The following WWOX variants were observed in gnomAD, a reference collection of about 807,000 sequenced individuals.
WWOX encodes the protein WW domain containing oxidoreductase, also known as WW domain-containing oxidoreductase.
WWOX carries 69 observed loss-of-function variants against 46.2 expected under a neutral mutation model. The ratio of observed to expected loss-of-function variants is 1.49; its 90% CI spans 1.23 to 1.82. The LOEUF is 1.82. WWOX is among the 40% of genes most tolerant of loss of function. The probability of loss-of-function intolerance (pLI) is 0.00; values close to 1 mark genes in which losing one functional copy is unlikely to be tolerated. For missense variants in WWOX, 919 were observed against 542.6 expected, an observed-to-expected ratio of 1.69 and a Z score of -6.89; for synonymous variants, 359 against 202.6, an observed-to-expected ratio of 1.77 and a Z score of -6.56.
chr16:78,864,465 C>G (rs865806003), intron 8 of WWOX, among the ~76,000 whole-genome samples: 2 of 151,968 alleles, frequency 1.3e-5, no homozygotes, highest in African/African-American at 4.8e-5. Flanking sequence ...GGCAAGGTTT[C>G]TCCATGTTGC....
chr16:78,285,595 G>T lies in WWOX; in HGVS notation c.517-101265G>T, dbSNP rs140775451. On this transcript the variant is annotated intron_variant, in intron 5 of 8. Transcript: ENST00000566780. ...GTGCATGATGGCTGAACATTGCTGG[G>T]GGAAGATTTTGCAATTATGCATTGT... 2.3e-3 allele frequency among the ~76,000 whole-genome samples: 350 copies of T among 152,308 alleles called. 2 individuals are homozygous for T. The highest frequency in any genetic ancestry group is 6.8e-3 in the Middle Eastern group (2 of 294).
In WWOX at chr16:78,659,818, C is replaced by A. The variant is rs74658641; in HGVS notation, c.1056+227066C>A. Among the ~76,000 whole-genome samples, 772 of 152,274 alleles carry A rather than the reference C, an allele frequency of 5.1e-3. 5 individuals are homozygous for A. The highest frequency in any genetic ancestry group is 0.018 in the African/African-American group (744 of 41,546). On this transcript the variant is annotated intron_variant, in intron 8 of 8. Transcript: ENST00000566780. ...GCATTTTCTTTTTTTACAAGTCACT[C>A]TTACTTAAACACACAGCATGACTCT...
intron 8 of WWOX, among the ~76,000 whole-genome samples, chr16:78,700,534 G>A (rs2048191959): frequency 6.6e-6 from 1 of 152,162 alleles, no homozygotes. Flanking sequence ...GTGCACAGAG[G>A]TGTGCCCCAA....
chr16:78,723,943 C>A (rs912992812), intron 8 of WWOX, among the ~76,000 whole-genome samples: 1 of 152,194 alleles, frequency 6.6e-6, no homozygotes, highest in Non-Finnish European at 1.5e-5. Context: ...TTCACCTGCA[C>A]AGTGGTTTCA....
rs149542280 is a variant in WWOX, at chr16:78,417,905, G to T, written c.606-6965G>T. On this transcript the variant is annotated intron_variant, in intron 6 of 8. Transcript: ENST00000566780. The stretch of plus-strand genomic sequence containing the variant: ...ATGACTTTTCAGGTTTTAGGTAGGG[G>T]ATGGGTGGGAAAACAGATGAGGCAA... 2.8e-4 allele frequency among the ~76,000 whole-genome samples: 42 copies of T among 152,318 alleles called. No homozygotes were observed. The East Asian group carries it at 7.9e-3, about 29-fold the overall frequency.
chr16:78,489,288 C>T (rs1035314226), intron 8 of WWOX, among the ~76,000 whole-genome samples: 6 of 152,182 alleles, frequency 3.9e-5, no homozygotes, highest in African/African-American at 9.7e-5. Flanking sequence ...CAGATGTTCT[C>T]TCCAGACCCC....
chr16:78,506,327 A>G (rs1321109941), intron 8 of WWOX, among the ~76,000 whole-genome samples: 1 of 152,176 alleles, frequency 6.6e-6, no homozygotes, highest in Non-Finnish European at 1.5e-5. Context: ...CTGGTCAGTG[A>G]CTTAGCCACT....
intron 8 of WWOX, among the ~76,000 whole-genome samples, chr16:78,634,610 G>C (rs528621033): frequency 6.6e-6 from 1 of 151,942 alleles, no homozygotes; most frequent in East Asian, 1.9e-4. Flanking sequence ...GGAAGTTGAG[G>C]CAGGAGAATC....
Position 78,241,777 on chromosome 16 carries a change from T to C in WWOX, c.516+77488T>C, listed in dbSNP as rs543451302. ...GTTGCTATTGATGATTATTATGACA[T>C]CATTGCTCAGATTCACTTGGCTCAG... On this transcript the variant is annotated intron_variant, in intron 5 of 8. Coordinates refer to ENST00000566780, the MANE Select transcript of WWOX (RefSeq NM_016373.4). Among the ~76,000 whole-genome samples, 280 of 152,228 alleles carry C rather than the reference T, an allele frequency of 1.8e-3. 2 individuals carry two copies. The highest frequency in any genetic ancestry group is 3.0e-3 in the Non-Finnish European group (202 of 68,024).
intron 8 of WWOX, among the ~76,000 whole-genome samples, chr16:78,452,944 C>T (rs1385901206): frequency 6.7e-6 from 1 of 148,850 alleles, no homozygotes; most frequent in East Asian, 2.0e-4. Flanking sequence ...AAGATTATGG[C>T]TCACTGCAGC....
chr16:79,153,082 A>G (rs904548770), intron 8 of WWOX, among the ~76,000 whole-genome samples: 1 of 152,180 alleles, frequency 6.6e-6, no homozygotes, highest in East Asian at 1.9e-4. Context: ...AGCACAGGGC[A>G]GGAAAATCCA....
chr16:78,460,749 G>A (rs2083929145), intron 8 of WWOX, among the ~76,000 whole-genome samples: 1 of 152,186 alleles, frequency 6.6e-6, no homozygotes, highest in Non-Finnish European at 1.5e-5. Flanking sequence ...TAGCAAGGAT[G>A]GGATCCACAA....
intron 8 of WWOX, among the ~76,000 whole-genome samples, chr16:79,043,926 T>C (rs2048019431): frequency 6.6e-6 from 1 of 152,232 alleles, no homozygotes; most frequent in Non-Finnish European, 1.5e-5. Context: ...TCATTCACTC[T>C]GCTCGGACCT....
intron 8 of WWOX, among the ~76,000 whole-genome samples, chr16:78,797,653 T>C (rs145879631): frequency 1.3e-5 from 2 of 152,140 alleles, no homozygotes; most frequent in Non-Finnish European, 2.9e-5. Context: ...CAAGGAACTA[T>C]GATAAGTAGC....
chr16:78,750,334 C>T (rs946252157), intron 8 of WWOX, among the ~76,000 whole-genome samples: 1 of 152,156 alleles, frequency 6.6e-6, no homozygotes, highest in Non-Finnish European at 1.5e-5. Context: ...CTCCTGTGGT[C>T]TGTAAGAATG....
intron 8 of WWOX, among the ~76,000 whole-genome samples, chr16:78,621,592 CTTTTTTTTTTTTTTTTTTTTTTTTT>C (rs34182797): frequency 6.3e-5 from 2 of 31,512 alleles, no homozygotes; most frequent in African/African-American, 2.6e-4. Context: ...TTGTTCTAAT[CTTTTTTTTTTTTTTTTTTTTTTTTT>C]TTTTTGAGAC....
rs576000063 is a variant in WWOX at position 78,571,212 on chromosome 16, T to G, written c.1056+138460T>G. Among the ~76,000 whole-genome samples, 3 of 152,298 alleles carry G rather than the reference T, an allele frequency of 2.0e-5. No individual in the cohort carries two copies. In the South Asian group the frequency reaches 6.2e-4, roughly 32 times the overall value. On this transcript the variant is annotated intron_variant, in intron 8 of 8. Transcript: ENST00000566780. The stretch of plus-strand genomic sequence containing the variant: ...GTTAATAATGCAGACAGCCTTTGCT[T>G]TATGTATCAATTTTTGTAAATGTGT...
chr16:78,853,844 G>C (rs2151183245), intron 8 of WWOX, among the ~76,000 whole-genome samples: 1 of 152,204 alleles, frequency 6.6e-6, no homozygotes, highest in South Asian at 2.1e-4. Flanking sequence ...CTCAGCAATA[G>C]ATCTTCAGGT....
At chr16:78,758,970 A>C (rs1241970360) in intron 8 of WWOX, among the ~76,000 whole-genome samples, 1 of 151,828 alleles carries the variant, frequency 6.6e-6, no homozygotes, top group Non-Finnish European at 1.5e-5. Flanking sequence ...CTTCACAGAC[A>C]AAACCCAGGG....
Sources: allele counts gnomAD v4.1 joint callset (sites outside exome capture counted in the v4.1 genomes callset), GRCh38; gene constraint gnomAD v4.1.1; transcripts MANE v1.5; gene names NCBI Gene and HGNC (gene_info 2026-07-23, HGNC 2026-07-21).